The following C4orf36 variants were observed in gnomAD, a reference collection of about 807,000 sequenced individuals.
C4orf36 encodes uncharacterized protein C4orf36.
A neutral mutation model predicts 12.2 loss-of-function variants in C4orf36; 11 were observed. That is an observed-to-expected ratio of 0.90 (90% CI 0.57 to 1.49). C4orf36 has a LOEUF of 1.49. Ranked by LOEUF, C4orf36 falls within the 40% of genes most tolerant of loss-of-function variation. The pLI is 0.00. For missense variants in C4orf36, 137 were observed against 133.9 expected (o/e 1.02, Z -0.11); for synonymous variants, 54 against 51.3 (o/e 1.05, Z -0.22).
chr4:86,928,040 C>T, the C4orf36 span, among the ~76,000 whole-genome samples: 30 of 152,342 alleles, frequency 2.0e-4, no homozygotes, highest in African/African-American at 6.5e-4. Context: ...ACATCTACAA[C>T]CCAGCCCCAC....
At chr4:86,931,291 T>A in the C4orf36 span, among the ~76,000 whole-genome samples, 1 of 152,218 alleles carries the variant, frequency 6.6e-6, no homozygotes, top group African/African-American at 2.4e-5. Flanking sequence ...TCCCTTAACC[T>A]GGCTTAGACT....
chr4:86,917,404 A>C, the C4orf36 span, among the ~76,000 whole-genome samples: 4 of 142,922 alleles, frequency 2.8e-5, no homozygotes, highest in East Asian at 9.0e-4. Flanking sequence ...AAGGAGAGAG[A>C]AAGAGAGGAA....
chr4:86,891,316 AGATCCCAGACACCTC>A, intron 2 of C4orf36, 125 bp downstream of exon 2: 20 of 601,440 alleles, frequency 3.3e-5, no homozygotes, highest in East Asian at 6.2e-5. Context: ...AAAAAAAATC[AGATCCCAGACACCTC>A]AAAATACTTC....
chr4:86,887,043 C>T (rs936306738), intron 4 of C4orf36: 3 of 150,056 alleles, frequency 2.0e-5, no homozygotes, highest in African/African-American at 7.4e-5. Flanking sequence ...TGTTCTCACT[C>T]ATAGGTGAGA....
intron 4 of C4orf36, among the ~76,000 whole-genome samples, chr4:86,884,039 C>A (rs1164055169): frequency 1.3e-5 from 2 of 151,936 alleles, no homozygotes; most frequent in African/African-American, 4.8e-5. Context: ...CCTACTGAAT[C>A]ATCTAAAAAA....
chr4:86,890,289 T>C, intron 2 of C4orf36: 1 of 375,962 alleles, frequency 2.7e-6, no homozygotes, highest in South Asian at 1.9e-5. Context: ...CCATTGGTTG[T>C]GAAGTTGGGA....
the C4orf36 span, among the ~76,000 whole-genome samples, chr4:86,928,087 T>A: frequency 6.6e-6 from 1 of 152,226 alleles, no homozygotes; most frequent in African/African-American, 2.4e-5. Context: ...AGTTGCTCAA[T>A]CTTTCTGATT....
the C4orf36 span, among the ~76,000 whole-genome samples, chr4:86,918,245 C>T: frequency 4.8e-3 from 731 of 152,300 alleles, 4 homozygotes; most frequent in Non-Finnish European, 7.6e-3. Context: ...TTGGGGGGGA[C>T]ATAAACATTT....
At chr4:86,891,390 TTA>T in intron 2 of C4orf36, 64 bp downstream of exon 2, 1 of 1,484,590 alleles carries the variant, frequency 6.7e-7, no homozygotes. Flanking sequence ...GTCCTTTTAT[TTA>T]ACAAAGACAC....
chr4:86,913,208 G>C, the C4orf36 span: 1 of 482,306 alleles, frequency 2.1e-6, no homozygotes, highest in Non-Finnish European at 3.9e-6. Context: ...GCACAGCTGT[G>C]ATCTTCCACA....
At chr4:86,918,810 C>T in the C4orf36 span, among the ~76,000 whole-genome samples, 1 of 150,134 alleles carries the variant, frequency 6.7e-6, no homozygotes, top group African/African-American at 2.4e-5. Context: ...GTTGTGTGTG[C>T]GTGTGTGTGT....
chr4:86,915,770 A>G, the C4orf36 span, among the ~76,000 whole-genome samples: 1 of 152,160 alleles, frequency 6.6e-6, no homozygotes, highest in Non-Finnish European at 1.5e-5. Flanking sequence ...CTGGGCAACA[A>G]GACTGAAACT....
chr4:86,915,601 T>A, the C4orf36 span, among the ~76,000 whole-genome samples: 1 of 151,986 alleles, frequency 6.6e-6, no homozygotes, highest in Non-Finnish European at 1.5e-5. Flanking sequence ...CTGATCAACA[T>A]GGAGAAAGAA....
the C4orf36 span, among the ~76,000 whole-genome samples, chr4:86,929,295 C>G: frequency 1.3e-5 from 2 of 152,164 alleles, no homozygotes; most frequent in African/African-American, 4.8e-5. Flanking sequence ...AGGGAAAGTT[C>G]ATTTTCAAGT....
At chr4:86,897,540 T>C in the C4orf36 span, among the ~76,000 whole-genome samples, 9 of 152,304 alleles carry the variant, frequency 5.9e-5, no homozygotes, top group Admixed American at 2.6e-4. Flanking sequence ...AAACTCCCAT[T>C]GTATCCTTAC....
the C4orf36 span, among the ~76,000 whole-genome samples, chr4:86,907,212 T>C: frequency 6.6e-6 from 1 of 152,134 alleles, no homozygotes. Context: ...ACAAATTTCC[T>C]AGACATCCTG....
chr4:86,914,592 G>A, the C4orf36 span: 24,249 of 353,764 alleles, frequency 0.069, 1,096 homozygotes, highest in Non-Finnish European at 0.089. Flanking sequence ...TAGTAGAGAT[G>A]GGGTTTCACC....
the C4orf36 span, among the ~76,000 whole-genome samples, chr4:86,911,781 G>A: frequency 6.6e-6 from 1 of 152,000 alleles, no homozygotes; most frequent in African/African-American, 2.4e-5. Flanking sequence ...TAACCTTCTG[G>A]GCTCAAGTGA....
the C4orf36 span, chr4:86,926,227 C>G: frequency 7.2e-5 from 11 of 152,330 alleles, no homozygotes; most frequent in Non-Finnish European, 1.5e-4. Flanking sequence ...TTGGGACTCA[C>G]ATAGGTGCTG....
Sources: gnomAD v4.1 joint callset for allele counts (sites outside exome capture counted in the v4.1 genomes callset) on GRCh38, gnomAD v4.1.1 for gene constraint, MANE v1.5 for transcripts, NCBI Gene and HGNC (gene_info 2026-07-23, HGNC 2026-07-21) for gene names.